Variants in FILIP1 observed in about 807,000 individuals in gnomAD.
FILIP1 encodes the protein filamin-A-interacting protein 1.
Under a neutral mutation model 102.1 loss-of-function variants are expected in FILIP1, and 61 were observed. The observed-to-expected ratio is 0.60, with a 90% CI of 0.49 to 0.74. FILIP1 has a LOEUF of 0.74. Ranked by LOEUF, FILIP1 falls within the 30% of genes least tolerant of loss-of-function variation. The probability of loss-of-function intolerance (pLI) is 0.00; values close to 1 mark genes in which losing one functional copy is unlikely to be tolerated. For missense variants in FILIP1, 1,314 were observed against 1,441.2 expected, an observed-to-expected ratio of 0.91 and a Z score of 1.43; for synonymous variants, 491 against 526.9, an observed-to-expected ratio of 0.93 and a Z score of 0.93.
chr6:75,435,592 C>A (rs1162119875), intron 1 of FILIP1, among the ~76,000 whole-genome samples: 2 of 152,148 alleles, frequency 1.3e-5, no homozygotes, highest in Non-Finnish European at 2.9e-5. Flanking sequence ...TGATGGGGGA[C>A]CAAGAGACTT....
intron 2 of FILIP1, among the ~76,000 whole-genome samples, chr6:75,404,174 C>T (rs1582454248): frequency 1.3e-5 from 2 of 152,148 alleles, no homozygotes; most frequent in African/African-American, 4.8e-5. Flanking sequence ...GAGTTGGAGG[C>T]TGCAGTGAGC....
At chr6:75,452,153 C>T (rs1283464843) in intron 1 of FILIP1, among the ~76,000 whole-genome samples, 2 of 151,096 alleles carry the variant, frequency 1.3e-5, no homozygotes, top group East Asian at 3.9e-4. Context: ...TACATGTGCA[C>T]AACCTGCAGG....
rs567065373 is a variant in FILIP1, at chr6:75,474,098, C to A, written c.-7+19316G>T. On this transcript the variant is annotated intron_variant, in intron 1 of 5. Transcript: ENST00000237172. Reference sequence around the variant, plus strand: ...CTTACTGTAGAAATTTAAAATCACACATTTATATCTCCAAATGGAAATGGT... The same window carrying A: ...CTTACTGTAGAAATTTAAAATCACAAATTTATATCTCCAAATGGAAATGGT... Among the ~76,000 whole-genome samples the A allele has an allele frequency of 2.1e-4, 32 of 152,236 alleles. No individual in the cohort carries two copies. The South Asian group carries it at 4.8e-3, about 23-fold the overall frequency.
chr6:75,362,710 C>G, intron 3 of FILIP1, 34 bp downstream of exon 3: 1 of 1,595,824 alleles, frequency 6.3e-7, no homozygotes, highest in Non-Finnish European at 8.6e-7. Context: ...CCTGAGGTTC[C>G]CATCCAGGGG....
intron 4 of FILIP1, 112 bp downstream of exon 4, chr6:75,353,427 C>T (rs1379251439): frequency 3.5e-6 from 4 of 1,127,688 alleles, no homozygotes; most frequent in Non-Finnish European, 5.1e-6. Flanking sequence ...ACATTAGACC[C>T]TGGGCACCTG....
intron 2 of FILIP1, among the ~76,000 whole-genome samples, chr6:75,366,257 G>C (rs942331572): frequency 1.3e-5 from 2 of 152,140 alleles, no homozygotes; most frequent in African/African-American, 4.8e-5. Context: ...CTTAGTTATG[G>C]ATAAAGGTAA....
intron 1 of FILIP1, among the ~76,000 whole-genome samples, chr6:75,490,637 T>TTG (rs59493141): frequency 0.34 from 50,429 of 147,870 alleles, 9,358 homozygotes; most frequent in Non-Finnish European, 0.45. Flanking sequence ...TACACAGGAT[T>TTG]TGTGTGTGTG....
Position 75,432,687 on chromosome 6 carries a change from T to A in FILIP1, c.-6-17709A>T, listed in dbSNP as rs187605019. 1.5e-3 allele frequency among the ~76,000 whole-genome samples: 226 copies of A among 151,984 alleles called. 1 individual carries two copies. The highest frequency in any genetic ancestry group is 5.3e-3 in the African/African-American group (218 of 41,488). The stretch of plus-strand genomic sequence containing the variant: ...TTTATTTACTATTTTATTATTTTTA[T>A]TTTTTTTATTATACTTTAAGTTCTA... On this transcript the variant is annotated intron_variant, in intron 1 of 5. Coordinates refer to ENST00000237172, the MANE Select transcript of FILIP1 (RefSeq NM_015687.5).
At chr6:75,423,253 T>C (rs1185660369) in intron 1 of FILIP1, among the ~76,000 whole-genome samples, 1 of 152,188 alleles carries the variant, frequency 6.6e-6, no homozygotes, top group Non-Finnish European at 1.5e-5. Context: ...CCTCCTGAGC[T>C]GAGCAAAAAT....
chr6:75,465,425 ACCCATT>A, intron 1 of FILIP1: 1 of 683,520 alleles, frequency 1.5e-6, no homozygotes, highest in Non-Finnish European at 2.5e-6. Context: ...GAAGTGGTGG[ACCCATT>A]TCACTGACCC....
chr6:75,463,276 T>G (rs993193237), intron 1 of FILIP1, among the ~76,000 whole-genome samples: 1 of 152,222 alleles, frequency 6.6e-6, no homozygotes, highest in Non-Finnish European at 1.5e-5. Context: ...ATTTCATATA[T>G]TCAACATAAA....
chr6:75,443,071 T>C (rs1424039478), intron 1 of FILIP1, among the ~76,000 whole-genome samples: 1 of 152,256 alleles, frequency 6.6e-6, no homozygotes, highest in African/African-American at 2.4e-5. Flanking sequence ...TTCCCTAACT[T>C]ATTTGTCCAA....
chr6:75,346,111 A>G (rs1582376393), intron 4 of FILIP1, among the ~76,000 whole-genome samples: 1 of 152,240 alleles, frequency 6.6e-6, no homozygotes, highest in Non-Finnish European at 1.5e-5. Context: ...CTGAGTTTAT[A>G]AGGTACAGAG....
At chr6:75,302,416 G>A (rs1489525350) in intron 6 of FILIP1, among the ~76,000 whole-genome samples, 1 of 152,112 alleles carries the variant, frequency 6.6e-6, no homozygotes, top group African/African-American at 2.4e-5. Context: ...TCAGCTTCTA[G>A]TTTTGTTTAT....
chr6:75,315,208 A>C lies in FILIP1; in HGVS notation c.630-6T>G, dbSNP rs1399992594. ...GTTCAAGGAGCTTTTTTAACCTAGA[A>C]AATAAAATATACCTATATGTTAAAA... On this transcript the variant is annotated splice_polypyrimidine_tract_variant and splice_region_variant and intron_variant, in intron 4 of 5. Transcript: ENST00000237172. The C allele has an allele frequency of 3.3e-6, 5 of 1,514,160 alleles. No homozygotes were observed. The highest frequency in any genetic ancestry group is 3.5e-6 in the Non-Finnish European group (4 of 1,133,242). 93.8% of individuals were successfully genotyped at this position (1,514,160 alleles called of 1,614,324 possible).
In FILIP1 at chr6:75,414,941, G is replaced by T. The variant is rs1777208879; in HGVS notation, c.32C>A (p.Ala11Glu). The T allele has an allele frequency of 1.2e-6, 2 of 1,613,682 alleles. No individual in the cohort carries two copies. The highest frequency in any genetic ancestry group is 1.7e-6 in the Non-Finnish European group (2 of 1,179,784). The change falls in exon 2 of 6, where the codon GCA (alanine) becomes GAA (glutamate). Residue 11 changes from alanine (A) to glutamate (E), a missense_variant. Around this residue, in one of 3 missense-constraint regions of FILIP1, gnomAD observed 494 missense variants for 511.2 expected, o/e 0.97. Transcript: ENST00000237172. Reference sequence around the variant, plus strand: ...GGGACAGGAGATATGCCCATCAGATGCACTTTCACCACCTTGGTTTCGAGA... The same window carrying T: ...GGGACAGGAGATATGCCCATCAGATTCACTTTCACCACCTTGGTTTCGAGA... MRSRNQGGES[A>E]SDGHISCPKP...
At chr6:75,445,406 C>T (rs1778411548) in intron 1 of FILIP1, among the ~76,000 whole-genome samples, 2 of 152,154 alleles carry the variant, frequency 1.3e-5, no homozygotes, top group African/African-American at 2.4e-5. Context: ...TCTCAAGGCC[C>T]CTGGAACTCT....
intron 6 of FILIP1, among the ~76,000 whole-genome samples, chr6:75,299,933 T>C (rs542049442): frequency 1.3e-5 from 2 of 152,120 alleles, no homozygotes; most frequent in African/African-American, 4.8e-5. Flanking sequence ...GGGGAGAAAT[T>C]TGGGGGAGAA....
intron 1 of FILIP1, among the ~76,000 whole-genome samples, chr6:75,471,809 A>T (rs1470272665): frequency 6.6e-6 from 1 of 152,190 alleles, no homozygotes; most frequent in Non-Finnish European, 1.5e-5. Flanking sequence ...AGGTGAAATA[A>T]TGTATATATC....
Sources: gnomAD v4.1 joint callset for allele counts (sites outside exome capture counted in the v4.1 genomes callset) on GRCh38, gnomAD v4.1.1 for gene constraint, gnomAD v4.1.1 regional missense constraint, MANE v1.5 for transcripts, NCBI Gene and HGNC (gene_info 2026-07-23, HGNC 2026-07-21) for gene names.